Variants in BICRA observed in about 807,000 individuals in gnomAD.
BICRA encodes BRD4-interacting chromatin-remodeling complex-associated protein.
A neutral mutation model predicts 96.9 loss-of-function variants in BICRA; 31 were observed. The observed-to-expected ratio is 0.32, with a 90% CI of 0.24 to 0.43. The LOEUF (loss-of-function observed/expected upper bound fraction) is 0.43. Among genes scored for constraint, BICRA ranks in the 20% least tolerant of loss-of-function variants. BICRA has a pLI of 1.00. For synonymous variants in BICRA, 1,350 were observed against 1,071.8 expected, an observed-to-expected ratio of 1.26 and a Z score of -5.07; for missense variants, 2,283 against 2,190.3, an observed-to-expected ratio of 1.04 and a Z score of -0.84.
chr19:47,644,336 A>C (rs2123539284), intron 1 of BICRA, among the ~76,000 whole-genome samples: 1 of 151,310 alleles, frequency 6.6e-6, no homozygotes, highest in South Asian at 2.1e-4. Context: ...AGATTCACCA[A>C]CTTTTAATAT....
chr19:47,675,747 A>G lies in BICRA; in HGVS notation c.85-104A>G. ...CATACCCCCAGCCCTCTCCCATCCC[A>G]ACCCTTGTCTTTTTGTCCTGAGTGA... On this transcript the variant is annotated intron_variant, in intron 4 of 14. Coordinates refer to ENST00000594866, the MANE Select transcript of BICRA (RefSeq NM_001394372.1). This position sits in a 1 kb window ranked among gnomAD's most constrained non-coding sequence, Gnocchi z 4.7. The G allele has an allele frequency of 1.1e-6, 1 of 874,422 alleles. No individual in the cohort carries two copies. Among genetic ancestry groups the G allele is most frequent in the Non-Finnish European group, 1.9e-6 (1 of 529,508 alleles). 54.2% of individuals were successfully genotyped at this position (874,422 alleles called of 1,614,324 possible). A position where few individuals can be genotyped will look rare whatever the true frequency, so the allele number is the denominator to read the frequency against.
Position 47,698,909 on chromosome 19 carries a change from C to T in BICRA, c.3398-56C>T, listed in dbSNP as rs1973392751. ...TGACCCTGCCCCGCCCTCCTTCCTGCGCATCCGCGGCCGCCCCCAACATCT... is the reference window on the plus strand; with the variant it reads ...TGACCCTGCCCCGCCCTCCTTCCTGTGCATCCGCGGCCGCCCCCAACATCT... On this transcript the variant is annotated intron_variant, in intron 12 of 14. Coordinates refer to ENST00000594866, the MANE Select transcript of BICRA (RefSeq NM_001394372.1). This position sits in a 1 kb window ranked among gnomAD's most constrained non-coding sequence, Gnocchi z 4.8. 1 of 1,409,952 alleles carries T rather than the reference C, an allele frequency of 7.1e-7. No homozygotes were observed. The highest frequency in any genetic ancestry group is 9.8e-7 in the Non-Finnish European group (1 of 1,016,868). 87.3% of individuals were successfully genotyped at this position (1,409,952 alleles called of 1,614,324 possible). A position where few individuals can be genotyped will look rare whatever the true frequency, so the allele number is the denominator to read the frequency against.
chr19:47,646,084 T>A, intron 1 of BICRA, among the ~76,000 whole-genome samples: 1 of 151,738 alleles, frequency 6.6e-6, no homozygotes, highest in Non-Finnish European at 1.5e-5. Context: ...GTTGACAGAG[T>A]GAGACCCTGT....
At chr19:47,696,130 G>A (rs142310679) in intron 10 of BICRA, among the ~76,000 whole-genome samples, 13 of 152,252 alleles carry the variant, frequency 8.5e-5, no homozygotes, top group African/African-American at 2.2e-4. Flanking sequence ...GGTGCTGGGC[G>A]GTGATGTGGG....
At chr19:47,655,746 C>T (rs1972606666) in intron 1 of BICRA, among the ~76,000 whole-genome samples, 1 of 150,544 alleles carries the variant, frequency 6.6e-6, no homozygotes, top group Admixed American at 6.7e-5. Context: ...ATCCCAGCTA[C>T]TCGGGAGGCT....
chr19:47,689,426 T>C (rs1973207292), intron 7 of BICRA, among the ~76,000 whole-genome samples: 2 of 151,448 alleles, frequency 1.3e-5, no homozygotes, highest in Admixed American at 1.3e-4. Flanking sequence ...ATTTATTTTT[T>C]CTGAGACTGA....
At position 47,699,123 on chromosome 19, in the gene BICRA, T is replaced by G; in HGVS notation, c.3492+64T>G. The G allele has an allele frequency of 8.3e-7, 1 of 1,203,240 alleles. No individual in the cohort carries two copies. Among genetic ancestry groups the G allele is most frequent in the Non-Finnish European group, 1.2e-6 (1 of 834,456 alleles). 74.5% of individuals were successfully genotyped at this position (1,203,240 alleles called of 1,614,324 possible). A position where few individuals can be genotyped will look rare whatever the true frequency, so the allele number is the denominator to read the frequency against. On this transcript the variant is annotated intron_variant, in intron 13 of 14. Transcript: ENST00000594866. The surrounding 1 kb of genome is among the most constrained non-coding windows in gnomAD (Gnocchi z 5.0). ...CTCGCTGGGACACTGCCCCTTTCCC[T>G]CACCCGCTCTGGGCAAGGTGGAGCC...
chr19:47,630,950 G>C (rs1220091342), intron 1 of BICRA, among the ~76,000 whole-genome samples: 1 of 152,074 alleles, frequency 6.6e-6, no homozygotes, highest in East Asian at 1.9e-4. Context: ...TTCAAAATCT[G>C]GTGTGTATTT....
rs550494228 is a variant in BICRA at position 47,675,640 on chromosome 19, C to T, written c.85-211C>T. ...TCGCTTCGCAGGCCAGGCTCGGGGA[C>T]TCAGTGCTGGGGATGCCTTGGGTTT... On this transcript the variant is annotated intron_variant, in intron 4 of 14. Transcript: ENST00000594866. The surrounding 1 kb of genome is among the most constrained non-coding windows in gnomAD (Gnocchi z 4.7). 6.6e-6 allele frequency among the ~76,000 whole-genome samples: 1 copy of T among 152,322 alleles called. No individual in the cohort carries two copies. Among genetic ancestry groups the T allele is most frequent in the Non-Finnish European group, 1.5e-5 (1 of 68,034 alleles).
At chr19:47,624,078 C>T (rs995378919) in intron 1 of BICRA, among the ~76,000 whole-genome samples, 4 of 151,900 alleles carry the variant, frequency 2.6e-5, no homozygotes, top group Non-Finnish European at 4.4e-5. Context: ...CTTGAACTCC[C>T]GACCTCAGAT....
chr19:47,650,630 T>C (rs561201775), intron 1 of BICRA, among the ~76,000 whole-genome samples: 4 of 152,312 alleles, frequency 2.6e-5, no homozygotes, highest in African/African-American at 9.6e-5. Context: ...GGTGTTGCTC[T>C]GAGAGGGAGG....
rs753697249 is a variant in BICRA at position 47,673,782 on chromosome 19, G to A, written c.84+20G>A. 2.9e-5 allele frequency: 46 copies of A among 1,601,166 alleles called. No homozygotes were observed. Among genetic ancestry groups the A allele is most frequent in the Non-Finnish European group, 5.1e-6 (6 of 1,168,422 alleles). On this transcript the variant is annotated intron_variant, in intron 4 of 14. Transcript: ENST00000594866. ...GAGAAGGTAAGCATGGGCGCAGGGAGAGGCATTCCCTGAGTGGGGGGCTGT... is the reference window on the plus strand; with the variant it reads ...GAGAAGGTAAGCATGGGCGCAGGGAAAGGCATTCCCTGAGTGGGGGGCTGT...
At chr19:47,616,434 C>T (rs1419240833) in intron 1 of BICRA, among the ~76,000 whole-genome samples, 2 of 152,036 alleles carry the variant, frequency 1.3e-5, no homozygotes, top group African/African-American at 4.8e-5. Context: ...GTCAGGAGTT[C>T]GAGACCAGCC....
rs550310904 is a variant in BICRA, at chr19:47,698,290, C to A, written c.3249-344C>A. The stretch of plus-strand genomic sequence containing the variant: ...AGGAGGCACGGTGGAGCCACACTGG[C>A]CCCAGGTGGCAGGAGGCAGAATAGC... On this transcript the variant is annotated intron_variant, in intron 11 of 14. Coordinates refer to ENST00000594866, the MANE Select transcript of BICRA (RefSeq NM_001394372.1). The surrounding 1 kb of genome is among the most constrained non-coding windows in gnomAD (Gnocchi z 4.8). Among the ~76,000 whole-genome samples, 1 of 152,160 alleles carries A rather than the reference C, an allele frequency of 6.6e-6. No individual in the cohort carries two copies. Among genetic ancestry groups the A allele is most frequent in the Non-Finnish European group, 1.5e-5 (1 of 68,030 alleles).
intron 7 of BICRA, among the ~76,000 whole-genome samples, chr19:47,682,723 G>A (rs903171071): frequency 2.0e-5 from 3 of 150,736 alleles, no homozygotes; most frequent in Admixed American, 2.0e-4. Flanking sequence ...CCAGGCTGGA[G>A]TGCAGTGGCG....
intron 1 of BICRA, among the ~76,000 whole-genome samples, chr19:47,636,141 A>C (rs1409102852): frequency 2.0e-5 from 3 of 152,224 alleles, no homozygotes; most frequent in African/African-American, 7.2e-5. Flanking sequence ...AAATATTTCA[A>C]AACTCCTACA....
rs2911007 is a variant in BICRA at position 47,642,783 on chromosome 19, A to G, written c.-107-27660A>G. Among the ~76,000 whole-genome samples, 1,131 of 152,360 alleles carry G rather than the reference A, an allele frequency of 7.4e-3. 6 individuals carry two copies. Among genetic ancestry groups the G allele is most frequent in the African/African-American group, 0.023 (975 of 41,590 alleles). The stretch of plus-strand genomic sequence containing the variant: ...AGCAGTTGTTTACCACCAGCAATGG[A>G]TAAGCATTCCAGTTGCCCCACATCT... On this transcript the variant is annotated intron_variant, in intron 1 of 14. Coordinates refer to ENST00000594866, the MANE Select transcript of BICRA (RefSeq NM_001394372.1).
Position 47,702,216 on chromosome 19 carries a change from A to T in BICRA, c.4484A>T (p.Asp1495Val). Residue 1495 changes from aspartate (D) to valine (V), a missense_variant, in exon 15 of 15, where the codon GAC becomes GTC. Transcript: ENST00000594866. ...ASFSSDSPQD[D>V]TLTEHLQSAI... Reference sequence around the variant, plus strand: ...TTCTCCAGCGACAGCCCGCAGGATGACACGCTCACCGAGCACCTGCAGAGC... The same window carrying T: ...TTCTCCAGCGACAGCCCGCAGGATGTCACGCTCACCGAGCACCTGCAGAGC... 6.3e-7 allele frequency: 1 copy of T among 1,598,200 alleles called. No homozygotes were observed. The highest frequency in any genetic ancestry group is 8.5e-7 in the Non-Finnish European group (1 of 1,177,426).
At chr19:47,669,898 C>T (rs184642041) in intron 1 of BICRA, among the ~76,000 whole-genome samples, 138 of 151,862 alleles carry the variant, frequency 9.1e-4, no homozygotes, top group African/African-American at 3.2e-3. Context: ...CCTCGCGATC[C>T]ACCTGTCTCG....
Sources: gnomAD v4.1 joint callset for allele counts (sites outside exome capture counted in the v4.1 genomes callset) on GRCh38, gnomAD v4.1.1 for gene constraint, Gnocchi (gnomAD v3.1) non-coding constraint, MANE v1.5 for transcripts, NCBI Gene and HGNC (gene_info 2026-07-23, HGNC 2026-07-21) for gene names.